The following ASTN2 variants were observed in gnomAD, a reference collection of about 807,000 sequenced individuals.
ASTN2 encodes the protein astrotactin 2.
In ASTN2, 54 loss-of-function variants were observed where a neutral mutation model predicts 139.8. The ratio of observed to expected loss-of-function variants is 0.39; its 90% CI spans 0.31 to 0.48. The LOEUF is 0.48. ASTN2 is among the 20% of genes least tolerant of loss of function. ASTN2 has a pLI of 0.95. For synonymous variants in ASTN2, 756 were observed against 719.5 expected (o/e 1.05, Z -0.81); for missense variants, 1,565 against 1,725.1 (o/e 0.91, Z 1.64).
At chr9:116,623,143 T>C (rs1248289159) in intron 17 of ASTN2, among the ~76,000 whole-genome samples, 3 of 123,110 alleles carry the variant, frequency 2.4e-5, no homozygotes, top group Non-Finnish European at 1.7e-5. Context: ...AGAGAGAGCA[T>C]ACTCTGTGTG....
At chr9:117,268,042 T>A (rs941527989) in intron 2 of ASTN2, among the ~76,000 whole-genome samples, 2 of 152,196 alleles carry the variant, frequency 1.3e-5, no homozygotes, top group Non-Finnish European at 2.9e-5. Flanking sequence ...CTGTAAAATG[T>A]TAAAAAGCAC....
intron 19 of ASTN2, among the ~76,000 whole-genome samples, chr9:116,537,786 C>G (rs1851707507): frequency 6.6e-6 from 1 of 152,158 alleles, no homozygotes; most frequent in African/African-American, 2.4e-5. Flanking sequence ...AAAATCAAAC[C>G]TCTAGAGATA....
chr9:117,153,475 T>C (rs1411063266), intron 3 of ASTN2, among the ~76,000 whole-genome samples: 1 of 152,158 alleles, frequency 6.6e-6, no homozygotes. Context: ...TGGCAGTGAC[T>C]GACTGAAACA....
rs1008433208 is a variant in ASTN2, at chr9:116,585,183, C to T, written c.3355+33141G>A. On this transcript the variant is annotated intron_variant, in intron 19 of 22. Transcript: ENST00000313400. ...AGACAGTTTGGCATACCGTTAAGGG[C>T]AAGGACTCAGATAGACCTGGATTCA... 4.6e-5 allele frequency: 7 copies of T among 152,250 alleles called. No homozygotes were observed. In the East Asian group the frequency reaches 1.2e-3, roughly 25 times the overall value. The allele number at this position is 152,250 out of a possible 1,614,324, so 9.4% of individuals were successfully genotyped here.
At chr9:117,140,096 T>C (rs1830038617) in intron 4 of ASTN2, among the ~76,000 whole-genome samples, 2 of 152,202 alleles carry the variant, frequency 1.3e-5, no homozygotes, top group South Asian at 4.1e-4. Context: ...ATAGGGTTGC[T>C]GTGAGGATCA....
chr9:116,858,172 A>G (rs889027466), intron 11 of ASTN2, among the ~76,000 whole-genome samples: 1 of 152,218 alleles, frequency 6.6e-6, no homozygotes. Context: ...GTCTTTGATC[A>G]GAGACAAACC....
In ASTN2 at chr9:117,096,038, T is replaced by C. The variant is rs1828832079; in HGVS notation, c.1276+6A>G. The C allele has an allele frequency of 6.2e-7, 1 of 1,613,452 alleles. No homozygotes were observed. Among genetic ancestry groups the C allele is most frequent in the South Asian group, 1.1e-5 (1 of 91,070 alleles). The stretch of plus-strand genomic sequence containing the variant: ...TGGTTCTGGAACCTTCCAAGGACAC[T>C]ATTACCTTTGCTGCGGCGGCGACTG... On this transcript the variant is annotated splice_donor_region_variant and intron_variant, in intron 5 of 22. Transcript: ENST00000313400.
intron 19 of ASTN2, among the ~76,000 whole-genome samples, chr9:116,541,021 A>G (rs1851856148): frequency 1.3e-5 from 2 of 151,882 alleles, no homozygotes; most frequent in African/African-American, 4.8e-5. Context: ...AAAAAAGCAG[A>G]AAAAAATATA....
intron 17 of ASTN2, among the ~76,000 whole-genome samples, chr9:116,621,487 T>C (rs926772062): frequency 1.3e-5 from 2 of 151,796 alleles, no homozygotes; most frequent in African/African-American, 2.4e-5. Flanking sequence ...GCCTGGAATA[T>C]TCCCCTCTCT....
intron 13 of ASTN2, among the ~76,000 whole-genome samples, chr9:116,793,581 T>C (rs1830611719): frequency 6.6e-6 from 1 of 152,200 alleles, no homozygotes; most frequent in Non-Finnish European, 1.5e-5. Flanking sequence ...TGGAAACACA[T>C]ATTTTAATTT....
At chr9:117,138,416 T>C (rs900833739) in intron 4 of ASTN2, among the ~76,000 whole-genome samples, 3 of 152,168 alleles carry the variant, frequency 2.0e-5, no homozygotes, top group African/African-American at 7.2e-5. Context: ...GTTTGCTGTG[T>C]TGGTGAAACG....
At chr9:116,709,076 G>A (rs1280939028) in intron 16 of ASTN2, among the ~76,000 whole-genome samples, 2 of 152,196 alleles carry the variant, frequency 1.3e-5, no homozygotes, top group Non-Finnish European at 2.9e-5. Flanking sequence ...GAAACAGGCT[G>A]GTTGTCACCG....
chr9:116,815,210 A>G (rs906358756), intron 12 of ASTN2, among the ~76,000 whole-genome samples: 2 of 152,192 alleles, frequency 1.3e-5, no homozygotes, highest in African/African-American at 4.8e-5. Flanking sequence ...ACTAGACTTC[A>G]GCTTTGACAA....
chr9:117,110,914 A>T (rs1221284383), intron 4 of ASTN2, among the ~76,000 whole-genome samples: 2 of 152,134 alleles, frequency 1.3e-5, no homozygotes, highest in Non-Finnish European at 2.9e-5. Context: ...AAAAGGAGAG[A>T]CTCAGAGAAG....
chr9:116,911,914 A>C (rs893665428), intron 10 of ASTN2, among the ~76,000 whole-genome samples: 8 of 152,122 alleles, frequency 5.3e-5, no homozygotes, highest in African/African-American at 1.9e-4. Flanking sequence ...CAAACAAACA[A>C]ACAAAACCTC....
intron 19 of ASTN2, among the ~76,000 whole-genome samples, chr9:116,531,301 T>C (rs1057324225): frequency 7.9e-5 from 12 of 152,354 alleles, no homozygotes; most frequent in African/African-American, 2.9e-4. Context: ...AATATGGCAA[T>C]AGGGCATAAT....
At chr9:117,222,192 T>C (rs1731222787) in intron 2 of ASTN2, among the ~76,000 whole-genome samples, 1 of 152,132 alleles carries the variant, frequency 6.6e-6, no homozygotes. Context: ...CCCTTCCCCA[T>C]TGACTAAGCT....
chr9:117,324,017 C>T (rs1321475837), intron 1 of ASTN2, among the ~76,000 whole-genome samples: 2 of 152,086 alleles, frequency 1.3e-5, no homozygotes, highest in African/African-American at 2.4e-5. Context: ...GCCCTCCTAA[C>T]TAAGGAGAAA....
chr9:116,658,448 A>G (rs892107463), intron 16 of ASTN2, among the ~76,000 whole-genome samples: 2 of 152,186 alleles, frequency 1.3e-5, no homozygotes, highest in African/African-American at 2.4e-5. Context: ...TTTAAGCCCT[A>G]CCCAAGAGGA....
Sources: gnomAD v4.1 joint callset for allele counts (sites outside exome capture counted in the v4.1 genomes callset) on GRCh38, gnomAD v4.1.1 for gene constraint, MANE v1.5 for transcripts, NCBI Gene and HGNC (gene_info 2026-07-23, HGNC 2026-07-21) for gene names.